Variants in TBC1D17 observed in about 807,000 individuals in gnomAD.
The protein encoded by TBC1D17 is TBC1 domain family, member 17.
A neutral mutation model predicts 78.8 loss-of-function variants in TBC1D17; 69 were observed. The observed-to-expected ratio is 0.88, with a 90% CI of 0.72 to 1.07. The LOEUF is 1.07. Ranked by LOEUF, TBC1D17 falls within the 50% of genes least tolerant of loss-of-function variation. TBC1D17 has a pLI of 0.00. For missense variants in TBC1D17, 957 were observed against 861.0 expected (o/e 1.11, Z -1.39); for synonymous variants, 456 against 358.3 (o/e 1.27, Z -3.08).
Position 49,882,171 on chromosome 19 carries a change from A to C in TBC1D17, c.639+19A>C. ...GGTGTCAGTGAGTGTCCCCAGCAGG[A>C]GGCCTGGCGGGTGTGGGCAGGGAGG... is the stretch of plus-strand genomic sequence containing the variant. On this transcript the variant is annotated intron_variant, in intron 6 of 16. Coordinates refer to ENST00000221543, the MANE Select transcript of TBC1D17 (RefSeq NM_024682.3). 6.2e-7 allele frequency: 1 copy of C among 1,613,876 alleles called. No homozygotes were observed. Among genetic ancestry groups the C allele is most frequent in the African/African-American group, 1.3e-5 (1 of 75,006 alleles).
At position 49,882,817 on chromosome 19, in the gene TBC1D17, G is replaced by A. The variant is rs1449490070; in HGVS notation, c.852G>A (p.Glu284=). 6.2e-7 allele frequency: 1 copy of A among 1,609,784 alleles called. No individual in the cohort carries two copies. Among genetic ancestry groups the A allele is most frequent in the African/African-American group, 1.3e-5 (1 of 74,828 alleles). Residue 284 remains glutamate (E), a synonymous_variant, in exon 8 of 17, where the codon GAG becomes GAA. Transcript: ENST00000221543. ...TVERGPPVTE[E]EWARHVGPEG... ...AGCGGGGCCCTCCAGTTACAGAGGA[G>A]GAGTGGGCACGCCACGTGGGCCCTG... is the stretch of plus-strand genomic sequence containing the variant.
intron 3 of TBC1D17, 85 bp downstream of exon 3, chr19:49,878,657 A>C: frequency 7.7e-7 from 1 of 1,301,860 alleles, no homozygotes; most frequent in Non-Finnish European, 1.1e-6. Flanking sequence ...CCTGCGTACA[A>C]TCCCAGACCT....
At chr19:49,887,199 G>C (rs2075065477) in intron 13 of TBC1D17, 1 of 457,152 alleles carries the variant, frequency 2.2e-6, no homozygotes, top group African/African-American at 2.0e-5. Flanking sequence ...CTCACCAGCA[G>C]CGGGCAGAGG....
At chr19:49,879,772 G>A (rs2074994922) in intron 3 of TBC1D17, among the ~76,000 whole-genome samples, 1 of 151,868 alleles carries the variant, frequency 6.6e-6, no homozygotes, top group African/African-American at 2.4e-5. Context: ...CCATGCAGTG[G>A]GAGACATGGG....
chr19:49,884,293 C>T lies in TBC1D17; in HGVS notation c.1167C>T (p.Tyr389=), dbSNP rs751852259. The change falls in exon 11 of 17, where the codon TAC becomes TAT. Residue 389 remains tyrosine, a synonymous_variant. Transcript: ENST00000221543. The part of the protein sequence containing the change: ...VSRTDRTNKF[Y]EGPENPGLGL... ...GCACTGACAGGACCAACAAGTTCTA[C>T]GAGGGTCCCGAGAACCCGGGGCTGG... The T allele has an allele frequency of 1.9e-5, 30 of 1,613,890 alleles. No individual in the cohort carries two copies. In the South Asian group the frequency reaches 2.3e-4, roughly 12 times the overall value.
intron 13 of TBC1D17, chr19:49,885,144 A>G (rs775534950): frequency 2.3e-5 from 6 of 261,698 alleles, no homozygotes; most frequent in Non-Finnish European, 4.5e-5. Context: ...GCTGCATCCC[A>G]GCTTTAACAT....
At chr19:49,888,374 C>G in intron 16 of TBC1D17, 50 bp from the exon 17 acceptor site, 8 of 1,557,410 alleles carry the variant, frequency 5.1e-6, no homozygotes, top group Non-Finnish European at 6.9e-6. Context: ...CCCCCGCCCC[C>G]TTCTCACCTT....
rs1442308940 is a variant in TBC1D17 at position 49,883,086 on chromosome 19, C to T, written c.1031+10C>T. On this transcript the variant is annotated intron_variant, in intron 9 of 16. Coordinates refer to ENST00000221543, the MANE Select transcript of TBC1D17 (RefSeq NM_024682.3). Reference sequence around the variant, plus strand: ...ACATACGCAAGAAAACGTGAGTTCTCAGGAGGCCCTGCCCTGCCAGGCATG... The same window carrying T: ...ACATACGCAAGAAAACGTGAGTTCTTAGGAGGCCCTGCCCTGCCAGGCATG... 29 of 1,595,890 alleles carry T rather than the reference C, an allele frequency of 1.8e-5. No individual in the cohort carries two copies. Among genetic ancestry groups the T allele is most frequent in the Non-Finnish European group, 2.5e-5 (29 of 1,169,508 alleles).
chr19:49,881,981 C>G lies in TBC1D17; in HGVS notation c.528-60C>G, dbSNP rs1056860367. 9.7e-6 allele frequency: 14 copies of G among 1,441,450 alleles called. No individual in the cohort carries two copies. The African/African-American group carries it at 1.1e-4, about 12-fold the overall frequency. 89.3% of individuals were successfully genotyped at this position (1,441,450 alleles called of 1,614,324 possible). A position where few individuals can be genotyped will look rare whatever the true frequency, so the allele number is the denominator to read the frequency against. The stretch of plus-strand genomic sequence containing the variant: ...GGAACCGATGTCGGCCGAGCACAGA[C>G]AGCCTGGGACACTGGGCCCCTACCT... On this transcript the variant is annotated intron_variant, in intron 5 of 16. Coordinates refer to ENST00000221543, the MANE Select transcript of TBC1D17 (RefSeq NM_024682.3).
intron 13 of TBC1D17, 27 bp from the exon 14 acceptor site, chr19:49,887,449 C>T (rs761474165): frequency 6.2e-7 from 1 of 1,607,942 alleles, no homozygotes; most frequent in Non-Finnish European, 8.5e-7. Context: ...CTGGGCAAGG[C>T]TGAGTGGGCT....
chr19:49,887,120 C>G, intron 13 of TBC1D17: 1 of 326,026 alleles, frequency 3.1e-6, no homozygotes, highest in South Asian at 2.6e-5. Flanking sequence ...TACAGGCGTG[C>G]GCCATCGCAC....
intron 3 of TBC1D17, chr19:49,879,514 C>T (rs2074991179): frequency 6.6e-6 from 1 of 152,222 alleles, no homozygotes; most frequent in African/African-American, 2.4e-5. Context: ...GGTTGGCCTG[C>T]ATCTGGTTGG....
rs1268500039 is a variant in TBC1D17, at chr19:49,884,365, C to A, written c.1239C>A (p.Asp413Glu). The A allele has an allele frequency of 6.2e-7, 1 of 1,614,104 alleles. No individual in the cohort carries two copies. The highest frequency in any genetic ancestry group is 8.5e-7 in the Non-Finnish European group (1 of 1,179,984). The part of the protein sequence containing the change: ...ILLTYCMYHF[D>E]LGYVQGMSDL... ...TCACCTACTGCATGTATCACTTCGA[C>A]CTCGGTGGGTGCCAGGCCTGGGGAC... Residue 413 changes from aspartate to glutamate, a missense_variant, in exon 11 of 17, where the codon GAC (aspartate) becomes GAA (glutamate). By Grantham distance (45) the Asp-to-Glu change is conservative. Coordinates refer to ENST00000221543, the MANE Select transcript of TBC1D17 (RefSeq NM_024682.3).
chr19:49,881,508 G>A (rs943595248), intron 5 of TBC1D17, 33 bp downstream of exon 5: 43 of 1,589,362 alleles, frequency 2.7e-5, no homozygotes, highest in Non-Finnish European at 3.3e-5. Flanking sequence ...GCCTTAAACC[G>A]GGCCCAGTCC....
chr19:49,888,389 T>G (rs1464058665), intron 16 of TBC1D17, 35 bp from the exon 17 acceptor site: 1 of 1,238,398 alleles, frequency 8.1e-7, no homozygotes, highest in Non-Finnish European at 1.0e-6. Context: ...CACCTTCACC[T>G]TCCGCTTTTC....
chr19:49,888,010 C>A, intron 15 of TBC1D17, 176 bp downstream of exon 15: 1 of 935,070 alleles, frequency 1.1e-6, no homozygotes, highest in Non-Finnish European at 1.6e-6. Flanking sequence ...TGCCTGCTCC[C>A]AGCAAGGTCC....
intron 4 of TBC1D17, among the ~76,000 whole-genome samples, chr19:49,880,906 A>G (rs1600445448): frequency 6.6e-6 from 1 of 152,298 alleles, no homozygotes; most frequent in African/African-American, 2.4e-5. Flanking sequence ...CCGTGTGTTT[A>G]GGGAGCCGCT....
Position 49,881,301 on chromosome 19 carries a change from C to A in TBC1D17, c.353C>A (p.Ala118Asp), listed in dbSNP as rs1416425621. 6.2e-7 allele frequency: 1 copy of A among 1,613,178 alleles called. No homozygotes were observed. Among genetic ancestry groups the A allele is most frequent in the Admixed American group, 1.7e-5 (1 of 60,008 alleles). The stretch of plus-strand genomic sequence containing the variant: ...CCCAGCTGCCCCCAGGGCTCCTGGG[C>A]CTTCTCAGTGAGTCTGGGGGAGCTA... ...AEPSCPQGSW[A>D]FSVSLGELKS... The change falls in exon 5 of 17, where the codon GCC becomes GAC. Residue 118 changes from alanine to aspartate, a missense_variant. Physicochemically the swap from Ala to Asp is moderately radical, Grantham distance 126. Transcript: ENST00000221543.
intron 4 of TBC1D17, among the ~76,000 whole-genome samples, chr19:49,880,656 A>T (rs1387720041): frequency 6.6e-6 from 1 of 152,192 alleles, no homozygotes; most frequent in African/African-American, 2.4e-5. Flanking sequence ...GTGCTCCCAC[A>T]CCAGGCCTGC....
Sources: gnomAD v4.1 joint callset for allele counts (sites outside exome capture counted in the v4.1 genomes callset) on GRCh38, gnomAD v4.1.1 for gene constraint, MANE v1.5 for transcripts, NCBI Gene and HGNC (gene_info 2026-07-23, HGNC 2026-07-21) for gene names.